The following UCP1 variants were observed in gnomAD, a reference collection of about 807,000 sequenced individuals.
The protein encoded by UCP1 is mitochondrial brown fat uncoupling protein 1.
Under a neutral mutation model 26.2 loss-of-function variants are expected in UCP1, and 24 were observed. The ratio of observed to expected loss-of-function variants is 0.92; its 90% CI spans 0.66 to 1.29. UCP1 has a LOEUF of 1.29. Among genes scored for constraint, UCP1 ranks in the 50% most tolerant of loss-of-function variants. The pLI is 0.00. For missense variants in UCP1, 402 were observed against 388.7 expected (o/e 1.03, Z -0.29); for synonymous variants, 164 against 156.8 (o/e 1.05, Z -0.34).
chr4:140,566,215 G>A (rs189312305), intron 2 of UCP1, among the ~76,000 whole-genome samples: 16 of 152,242 alleles, frequency 1.1e-4, no homozygotes, highest in Non-Finnish European at 1.5e-4. Context: ...AATACAGCAT[G>A]TATCATGGAA....
In UCP1 at chr4:140,563,386, C is replaced by T. The variant is rs201976256; in HGVS notation, c.458G>A (p.Arg153His). 1.2e-4 allele frequency: 189 copies of T among 1,614,020 alleles called. No homozygotes were observed. Among genetic ancestry groups the T allele is most frequent in the Non-Finnish European group, 1.4e-4 (169 of 1,179,988 alleles). The change falls in exon 3 of 6, where the codon CGC becomes CAC. Residue 153 changes from arginine (R) to histidine (H), a missense_variant. Physicochemically the swap from Arg to His is conservative, Grantham distance 29 (BLOSUM62 0). Coordinates refer to ENST00000262999, the MANE Select transcript of UCP1 (RefSeq NM_021833.5). ...AQSHLHGIKP[R>H]YTGTYNAYRI... The stretch of plus-strand genomic sequence containing the variant: ...GTACGCATTATAAGTCCCCGTGTAG[C>T]GAGGTTTGATTCCGTGGAGATGGCT...
chr4:140,562,486 A>C, intron 4 of UCP1, 113 bp from the exon 5 acceptor site: 1 of 1,040,078 alleles, frequency 9.6e-7, no homozygotes, highest in Admixed American at 2.3e-5. Flanking sequence ...AAGATGTCTT[A>C]TAAATAAATA....
In UCP1 at chr4:140,563,611, AT is replaced by A. The variant is rs112019388; in HGVS notation, c.326-94del. ...AATTTTCAGTGGTTCATATTTTTGT[AT>A]TTTTTTTTTTTTTGAGATGGAGTCT... On this transcript the variant is annotated intron_variant, in intron 2 of 5. Transcript: ENST00000262999. 174,773 of 940,278 alleles carry A rather than the reference AT, an allele frequency of 0.19. 948 individuals are homozygous for A. Among genetic ancestry groups the A allele is most frequent in the South Asian group, 0.22 (11,952 of 53,546 alleles). The allele number at this position is 940,278 out of a possible 1,614,324, so 58.2% of individuals were successfully genotyped here. A position where few individuals can be genotyped will look rare whatever the true frequency, so the allele number is the denominator to read the frequency against.
chr4:140,568,550 C>T (rs1225541303), intron 1 of UCP1, 54 bp downstream of exon 1: 9 of 1,611,298 alleles, frequency 5.6e-6, no homozygotes, highest in Middle Eastern at 3.3e-4. Flanking sequence ...GGAATGCACG[C>T]AACAGCGTCC....
intron 4 of UCP1, 93 bp from the exon 5 acceptor site, chr4:140,562,466 T>C (rs1416024265): frequency 8.6e-6 from 11 of 1,279,806 alleles, no homozygotes; most frequent in Non-Finnish European, 1.2e-5. Context: ...TTGATAACAG[T>C]AGGTCAATGA....
chr4:140,567,629 C>A (rs1363873981), intron 2 of UCP1, 150 bp downstream of exon 2: 11 of 1,027,096 alleles, frequency 1.1e-5, no homozygotes, highest in Non-Finnish European at 1.6e-5. Flanking sequence ...TTTCTATGAA[C>A]AATGAGCTAA....
chr4:140,566,641 A>G (rs1173831551), intron 2 of UCP1, among the ~76,000 whole-genome samples: 3 of 152,242 alleles, frequency 2.0e-5, no homozygotes, highest in Non-Finnish European at 4.4e-5. Flanking sequence ...AAATTATAGT[A>G]TTGAAGGTTA....
intron 2 of UCP1, among the ~76,000 whole-genome samples, chr4:140,566,811 T>G (rs563362938): frequency 6.6e-6 from 1 of 152,328 alleles, no homozygotes; most frequent in African/African-American, 2.4e-5. Flanking sequence ...ACCCTGATAT[T>G]CGGCTAACAC....
Position 140,568,706 on chromosome 4 carries a change from G to T in UCP1, c.24C>A (p.Asp8Glu), listed in dbSNP as rs374310489. The T allele has an allele frequency of 8.1e-6, 13 of 1,598,544 alleles. No individual in the cohort carries two copies. The African/African-American group carries it at 9.4e-5, about 12-fold the overall frequency. MGGLTAS[D>E]VHPTLGVQLF... The stretch of plus-strand genomic sequence containing the variant: ...GCTGGACCCCCAGGGTCGGGTGTAC[G>T]TCCGAGGCTGTCAGGCCCCCCATCT... The change falls in exon 1 of 6, where the codon GAC becomes GAA. Residue 8 changes from aspartate (D) to glutamate (E), a missense_variant. Transcript: ENST00000262999.
At chr4:140,567,296 A>T (rs1390917580) in intron 2 of UCP1, among the ~76,000 whole-genome samples, 1 of 152,194 alleles carries the variant, frequency 6.6e-6, no homozygotes, top group Non-Finnish European at 1.5e-5. Context: ...CTCTCTTCAC[A>T]AAGTCTGGCT....
intron 1 of UCP1, 58 bp from the exon 2 acceptor site, chr4:140,568,035 A>G: frequency 6.3e-7 from 1 of 1,577,816 alleles, no homozygotes; most frequent in Non-Finnish European, 8.7e-7. Flanking sequence ...CTCTTAAGCC[A>G]AGATTTCCCC....
rs1305649423 is a variant in UCP1, at chr4:140,568,924, GTCCCC to G, written c.-200_-196del. 1.3e-6 allele frequency: 1 copy of G among 744,516 alleles called. No individual in the cohort carries two copies. Among genetic ancestry groups the G allele is most frequent in the Non-Finnish European group, 2.1e-6 (1 of 465,146 alleles). The allele number at this position is 744,516 out of a possible 1,614,324, so 46.1% of individuals were successfully genotyped here. On this transcript the variant is annotated 5_prime_UTR_variant, in exon 1 of 6. Coordinates refer to ENST00000262999, the MANE Select transcript of UCP1 (RefSeq NM_021833.5). ...GCGGTGTTGGGGGCCGAGTCCCCGC[GTCCCC>G]TCCTACCCACCCTCGCGCCAGCAGG...
chr4:140,564,854 T>A (rs1256642873), intron 2 of UCP1, among the ~76,000 whole-genome samples: 1 of 95,996 alleles, frequency 1.0e-5, no homozygotes, highest in African/African-American at 4.1e-5. Context: ...GAAAAGAGGC[T>A]TTTTTTTTAA....
At chr4:140,562,713 C>T (rs888570282) in intron 4 of UCP1, among the ~76,000 whole-genome samples, 6 of 151,844 alleles carry the variant, frequency 4.0e-5, no homozygotes, top group African/African-American at 1.2e-4. Flanking sequence ...AAGAACCTAT[C>T]TTATGGTATT....
In UCP1 at chr4:140,563,127, T is replaced by C. The variant is rs146961396; in HGVS notation, c.611A>G (p.Lys204Arg). Residue 204 changes from lysine to arginine, a missense_variant, in exon 4 of 6, where the codon AAA becomes AGA. Lys to Arg is a conservative substitution (Grantham distance 26). Coordinates refer to ENST00000262999, the MANE Select transcript of UCP1 (RefSeq NM_021833.5). ...TYDLMKEAFV[K>R]NNILADDVPC... ...GAAGTTACCTGCTAATATGTTGTTT[T>C]TCACAAAGGCCTCCTTCATTAGATC... 3.1e-6 allele frequency: 5 copies of C among 1,613,894 alleles called. No individual in the cohort carries two copies. Among genetic ancestry groups the C allele is most frequent in the Non-Finnish European group, 4.2e-6 (5 of 1,179,910 alleles).
At chr4:140,563,079 G>T (rs1221418677) in intron 4 of UCP1, 31 bp downstream of exon 4, 2 of 1,553,264 alleles carry the variant, frequency 1.3e-6, no homozygotes, top group Admixed American at 1.7e-5. Flanking sequence ...TAAAGGTGCA[G>T]ACCTGTTTGT....
Position 140,559,924 on chromosome 4 carries a change from G to C in UCP1, c.896C>G (p.Ser299Ter). 1 of 1,613,964 alleles carries C rather than the reference G, an allele frequency of 6.2e-7. No homozygotes were observed. The highest frequency in any genetic ancestry group is 8.5e-7 in the Non-Finnish European group (1 of 1,179,954). The change falls in exon 6 of 6, where the codon TCA becomes TGA. Residue 299 changes from serine (S) to a stop codon, truncating the protein, a stop_gained. Transcript: ENST00000262999. LOFTEE classifies it high-confidence loss of function. ...TGTGGCACAGTCCATAGTCTGCCTT[G>C]ACTTTGACAGTTCTCGTTTCAGTTG... is the stretch of plus-strand genomic sequence containing the variant. Reference protein sequence around the residue: ...FEQLKRELSKSRQTMDCAT With the variant: ...FEQLKRELSK
intron 2 of UCP1, among the ~76,000 whole-genome samples, chr4:140,566,997 C>T (rs561976441): frequency 1.3e-5 from 2 of 152,186 alleles, no homozygotes; most frequent in African/African-American, 2.4e-5. Flanking sequence ...TGAATCTGCT[C>T]TGTGTTCAGT....
intron 5 of UCP1, among the ~76,000 whole-genome samples, chr4:140,560,363 A>G (rs1310456223): frequency 6.6e-6 from 1 of 152,210 alleles, no homozygotes; most frequent in Admixed American, 6.5e-5. Flanking sequence ...CTTCAAAACA[A>G]CACAGCCCTG....
Sources: gnomAD v4.1 joint callset for allele counts (sites outside exome capture counted in the v4.1 genomes callset) on GRCh38, gnomAD v4.1.1 for gene constraint, MANE v1.5 for transcripts, NCBI Gene and HGNC (gene_info 2026-07-23, HGNC 2026-07-21) for gene names.